The following CAMKMT variants were observed in gnomAD, a reference collection of about 807,000 sequenced individuals.
CAMKMT encodes the protein CaM KMT.
A neutral mutation model predicts 48.0 loss-of-function variants in CAMKMT; 53 were observed. The ratio of observed to expected loss-of-function variants is 1.10; its 90% confidence interval spans 0.89 to 1.39. CAMKMT has a LOEUF of 1.39. CAMKMT is among the 40% of genes most tolerant of loss of function. CAMKMT has a pLI of 0.00. For missense variants in CAMKMT, 428 were observed against 402.7 expected (o/e 1.06, Z -0.54); for synonymous variants, 165 against 152.3 (o/e 1.08, Z -0.61).
At chr2:44,630,204 T>C (rs1300814379) in intron 3 of CAMKMT, among the ~76,000 whole-genome samples, 2 of 151,174 alleles carry the variant, frequency 1.3e-5, no homozygotes, top group African/African-American at 4.8e-5. Flanking sequence ...TGTAGAAAGC[T>C]GAAACTGGAT....
chr2:44,642,965 G>T (rs72792384), intron 3 of CAMKMT, among the ~76,000 whole-genome samples: 2,808 of 152,224 alleles, frequency 0.018, 29 homozygotes, highest in Non-Finnish European at 0.03. Flanking sequence ...AAGCCTAATG[G>T]ATAATTAAGA....
At chr2:44,678,073 G>A (rs1675815209) in intron 3 of CAMKMT, among the ~76,000 whole-genome samples, 1 of 152,108 alleles carries the variant, frequency 6.6e-6, no homozygotes, top group South Asian at 2.1e-4. Flanking sequence ...GGAATTCCAT[G>A]TATGAATCCT....
intron 3 of CAMKMT, among the ~76,000 whole-genome samples, chr2:44,571,356 C>T (rs1298251633): frequency 6.6e-6 from 1 of 151,978 alleles, no homozygotes; most frequent in Non-Finnish European, 1.5e-5. Context: ...AGAATTTGTC[C>T]CATTGTAGCA....
intron 3 of CAMKMT, among the ~76,000 whole-genome samples, chr2:44,405,727 G>A (rs1682731483): frequency 6.6e-6 from 1 of 152,048 alleles, no homozygotes; most frequent in Non-Finnish European, 1.5e-5. Flanking sequence ...GCTGTAAAGA[G>A]ACACAGAAAG....
At chr2:44,580,293 T>C (rs938984356) in intron 3 of CAMKMT, among the ~76,000 whole-genome samples, 3 of 151,934 alleles carry the variant, frequency 2.0e-5, no homozygotes, top group Non-Finnish European at 4.4e-5. Context: ...TGTGCTGAAT[T>C]AGAAACGATA....
intron 3 of CAMKMT, among the ~76,000 whole-genome samples, chr2:44,592,895 A>C (rs932747136): frequency 6.6e-6 from 1 of 152,138 alleles, no homozygotes; most frequent in Admixed American, 6.5e-5. Context: ...ATTCAGCTCT[A>C]TTGGGTGGTG....
At chr2:44,508,121 G>T (rs1396806303) in intron 3 of CAMKMT, among the ~76,000 whole-genome samples, 1 of 152,164 alleles carries the variant, frequency 6.6e-6, no homozygotes, top group Non-Finnish European at 1.5e-5. Context: ...ACAAGTAACA[G>T]TGACTTTAAG....
chr2:44,372,890 T>C lies in CAMKMT; in HGVS notation c.311+2T>C, dbSNP rs1393417487. On this transcript the variant is annotated splice_donor_variant, in intron 2 of 10. Transcript: ENST00000378494. LOFTEE classifies it high-confidence loss of function. Reference sequence around the variant, plus strand: ...TCCTGAATACAGTATCTCCTTAAGGTAACCATTATTCTAGTTAAGATTTTG... The same window carrying C: ...TCCTGAATACAGTATCTCCTTAAGGCAACCATTATTCTAGTTAAGATTTTG... The C allele has an allele frequency of 6.2e-7, 1 of 1,604,964 alleles. No homozygotes were observed. Among genetic ancestry groups the C allele is most frequent in the Non-Finnish European group, 8.5e-7 (1 of 1,176,880 alleles).
intron 3 of CAMKMT, among the ~76,000 whole-genome samples, chr2:44,435,043 C>T (rs549766885): frequency 1.4e-4 from 21 of 152,132 alleles, no homozygotes; most frequent in Admixed American, 1.3e-3. Context: ...TTTTGAACAA[C>T]AGTACACCAT....
chr2:44,443,478 A>G (rs1395061617), intron 3 of CAMKMT, among the ~76,000 whole-genome samples: 2 of 151,930 alleles, frequency 1.3e-5, no homozygotes, highest in Non-Finnish European at 2.9e-5. Flanking sequence ...CTGAAGAACT[A>G]CTTAGCATTT....
intron 3 of CAMKMT, among the ~76,000 whole-genome samples, chr2:44,427,459 G>GA (rs972800425): frequency 6.6e-6 from 1 of 151,654 alleles, no homozygotes; most frequent in South Asian, 2.1e-4. Context: ...AAATCAACAA[G>GA]AAAAAAAATG....
chr2:44,449,033 A>C (rs959297803), intron 3 of CAMKMT, among the ~76,000 whole-genome samples: 1 of 152,192 alleles, frequency 6.6e-6, no homozygotes, highest in Non-Finnish European at 1.5e-5. Context: ...GAAAATGTTG[A>C]AAAATTGATT....
chr2:44,696,566 G>A (rs1385134289), intron 3 of CAMKMT, among the ~76,000 whole-genome samples: 2 of 152,130 alleles, frequency 1.3e-5, no homozygotes, highest in Admixed American at 1.3e-4. Context: ...TTAAACTGGG[G>A]ATTTTGGGCT....
intron 3 of CAMKMT, among the ~76,000 whole-genome samples, chr2:44,402,548 C>T (rs992070228): frequency 2.0e-5 from 3 of 151,726 alleles, no homozygotes; most frequent in East Asian, 3.9e-4. Flanking sequence ...TATTTTCAAA[C>T]ATTGTGTTGG....
rs537199732 is a variant in CAMKMT, at chr2:44,616,205, G to C, written c.377-88078G>C. ...CTGCCGGTGCCCTGCTTTCATTCTT[G>C]TGCTCTTCCAACCCAATCTCCATAT... On this transcript the variant is annotated intron_variant, in intron 3 of 10. Coordinates refer to ENST00000378494, the MANE Select transcript of CAMKMT (RefSeq NM_024766.5). Among the ~76,000 whole-genome samples the C allele has an allele frequency of 2.0e-5, 3 of 152,168 alleles. No individual in the cohort carries two copies. The East Asian group carries it at 5.8e-4, about 29-fold the overall frequency.
intron 3 of CAMKMT, among the ~76,000 whole-genome samples, chr2:44,416,627 G>A (rs1475115339): frequency 7.4e-6 from 1 of 135,084 alleles, no homozygotes; most frequent in Non-Finnish European, 1.5e-5. Flanking sequence ...AGGCTGGAGT[G>A]CAATGGTGTG....
intron 3 of CAMKMT, among the ~76,000 whole-genome samples, chr2:44,463,689 A>G (rs889314184): frequency 6.6e-6 from 1 of 152,158 alleles, no homozygotes; most frequent in Non-Finnish European, 1.5e-5. Flanking sequence ...TGCCAGTACC[A>G]CAGACAGGCG....
At position 44,589,986 on chromosome 2, in the gene CAMKMT, C is replaced by G. The variant is rs576844935; in HGVS notation, c.377-114297C>G. Among the ~76,000 whole-genome samples the G allele has an allele frequency of 1.3e-3, 191 of 148,502 alleles. 1 individual carries two copies. The highest frequency in any genetic ancestry group is 4.7e-3 in the African/African-American group (188 of 40,240). Reference sequence around the variant, plus strand: ...AATACAACTGTTATTTGTGTATTGACCTTGTGTCCTGCAACCTCACTCAAC... The same window carrying G: ...AATACAACTGTTATTTGTGTATTGAGCTTGTGTCCTGCAACCTCACTCAAC... On this transcript the variant is annotated intron_variant, in intron 3 of 10. Coordinates refer to ENST00000378494, the MANE Select transcript of CAMKMT (RefSeq NM_024766.5).
intron 3 of CAMKMT, among the ~76,000 whole-genome samples, chr2:44,662,540 T>C (rs1443201673): frequency 6.6e-6 from 1 of 152,212 alleles, no homozygotes; most frequent in Non-Finnish European, 1.5e-5. Context: ...CCATTGAAGT[T>C]TCACAAGAAA....
Sources: allele counts gnomAD v4.1 joint callset (sites outside exome capture counted in the v4.1 genomes callset), GRCh38; gene constraint gnomAD v4.1.1; transcripts MANE v1.5; gene names NCBI Gene and HGNC (gene_info 2026-07-23, HGNC 2026-07-21).